The following EZH2 variants were observed in gnomAD, a reference collection of about 807,000 sequenced individuals.
The protein encoded by EZH2 is histone-lysine N-methyltransferase EZH2.
In EZH2, 18 loss-of-function variants were observed where a neutral mutation model predicts 98.4. That is an observed-to-expected ratio of 0.18 (90% CI 0.13 to 0.27). EZH2 has a LOEUF of 0.27. Ranked by LOEUF, EZH2 falls within the 10% of genes least tolerant of loss-of-function variation. The pLI, the probability that EZH2 is intolerant of heterozygous loss-of-function variation, is 1.00. For synonymous variants in EZH2, 338 were observed against 312.3 expected (o/e 1.08, Z -0.87); for missense variants, 470 against 935.1 (o/e 0.50, Z 6.49).
At chr7:148,843,697 G>A (rs917341883) in intron 3 of EZH2, among the ~76,000 whole-genome samples, 19 of 133,158 alleles carry the variant, frequency 1.4e-4, no homozygotes, top group South Asian at 1.0e-3. Flanking sequence ...CCAGGTTCAC[G>A]CCATTCTCCT....
intron 3 of EZH2, among the ~76,000 whole-genome samples, chr7:148,834,916 A>C (rs751957853): frequency 1.3e-5 from 2 of 152,240 alleles, no homozygotes; most frequent in Non-Finnish European, 2.9e-5. Flanking sequence ...TTTAGCATCA[A>C]AACTTCACAA....
intron 4 of EZH2, 21 bp from the exon 5 acceptor site, chr7:148,829,869 T>C: frequency 6.6e-7 from 1 of 1,522,236 alleles, no homozygotes; most frequent in Non-Finnish European, 8.9e-7. Context: ...AAAATATATT[T>C]AAAAAGCAGG....
chr7:148,877,737 A>G (rs1352258909), intron 1 of EZH2, among the ~76,000 whole-genome samples: 1 of 152,172 alleles, frequency 6.6e-6, no homozygotes, highest in African/African-American at 2.4e-5. Context: ...GAAATCCTCA[A>G]AGTTAACCTT....
chr7:148,873,247 T>C (rs1239494832), intron 1 of EZH2, among the ~76,000 whole-genome samples: 1 of 151,828 alleles, frequency 6.6e-6, no homozygotes, highest in Non-Finnish European at 1.5e-5. Flanking sequence ...ATCCTAGCAC[T>C]TTGCAAGGCC....
chr7:148,880,264 A>G (rs965495174), intron 1 of EZH2, among the ~76,000 whole-genome samples: 1 of 152,208 alleles, frequency 6.6e-6, no homozygotes, highest in South Asian at 2.1e-4. Context: ...TATTTAAATC[A>G]TTTTAAAAGA....
At chr7:148,844,338 T>C (rs778421274) in intron 3 of EZH2, among the ~76,000 whole-genome samples, 39 of 152,230 alleles carry the variant, frequency 2.6e-4, no homozygotes, top group Non-Finnish European at 5.1e-4. Context: ...TTACGATTTA[T>C]TGTGATAACA....
intron 3 of EZH2, among the ~76,000 whole-genome samples, chr7:148,839,092 G>GGAAGGAAAGAAA (rs1562997837): frequency 6.9e-6 from 1 of 144,574 alleles, no homozygotes; most frequent in African/African-American, 2.7e-5. Context: ...AAGGAAGGAA[G>GGAAGGAAAGAAA]GAAGGAAGGA....
intron 1 of EZH2, among the ~76,000 whole-genome samples, chr7:148,871,022 G>T (rs536205269): frequency 4.7e-4 from 71 of 151,994 alleles, no homozygotes; most frequent in Non-Finnish European, 9.1e-4. Context: ...ATGATGCATG[G>T]TATTGAGTTT....
Position 148,827,270 on chromosome 7 carries a change from A to G in EZH2, c.626-4T>C. Reference sequence around the variant, plus strand: ...CGAGGTGGGCGGCTTTCTTTATCTAAACAGGAGAATATGAAAGGAAAAAAA... The same window carrying G: ...CGAGGTGGGCGGCTTTCTTTATCTAGACAGGAGAATATGAAAGGAAAAAAA... On this transcript the variant is annotated splice_region_variant and splice_polypyrimidine_tract_variant and intron_variant, in intron 6 of 19. Coordinates refer to ENST00000320356, the MANE Select transcript of EZH2 (RefSeq NM_004456.5). The G allele has an allele frequency of 6.2e-7, 1 of 1,605,732 alleles. No individual in the cohort carries two copies. Among genetic ancestry groups the G allele is most frequent in the Non-Finnish European group, 8.5e-7 (1 of 1,175,622 alleles).
At chr7:148,809,039 T>C (rs765874448) in intron 19 of EZH2, 32 bp downstream of exon 19, 124 of 1,572,312 alleles carry the variant, frequency 7.9e-5, no homozygotes, top group Non-Finnish European at 9.9e-5. Flanking sequence ...AAAAAGCCCT[T>C]AGAGATCATG....
chr7:148,836,260 A>G (rs557701457), intron 3 of EZH2, among the ~76,000 whole-genome samples: 5 of 152,198 alleles, frequency 3.3e-5, no homozygotes, highest in Non-Finnish European at 7.4e-5. Context: ...GAGAGCACCT[A>G]TTTAGAAAAC....
chr7:148,871,220 C>T (rs1453663401), intron 1 of EZH2, among the ~76,000 whole-genome samples: 2 of 151,908 alleles, frequency 1.3e-5, no homozygotes, highest in African/African-American at 4.8e-5. Flanking sequence ...GCAGAGACAT[C>T]GAAACCTTTG....
chr7:148,877,856 T>C (rs1030566633), intron 1 of EZH2, among the ~76,000 whole-genome samples: 1 of 152,244 alleles, frequency 6.6e-6, no homozygotes, highest in African/African-American at 2.4e-5. Context: ...GGAGCTGACA[T>C]ATCTTTAATC....
intron 4 of EZH2, among the ~76,000 whole-genome samples, chr7:148,832,369 A>G (rs539379915): frequency 3.4e-3 from 512 of 152,326 alleles, no homozygotes; most frequent in Middle Eastern, 0.01. Flanking sequence ...ATGAGCCACA[A>G]TGCCCAGCCC....
chr7:148,833,621 A>T (rs1465736577), intron 3 of EZH2, among the ~76,000 whole-genome samples: 1 of 152,236 alleles, frequency 6.6e-6, no homozygotes, highest in Non-Finnish European at 1.5e-5. Flanking sequence ...ACAACAAAGT[A>T]AATTTAAGTC....
At chr7:148,874,298 G>A (rs1015608061) in intron 1 of EZH2, among the ~76,000 whole-genome samples, 1 of 152,170 alleles carries the variant, frequency 6.6e-6, no homozygotes, top group African/African-American at 2.4e-5. Context: ...TGATGTGGGA[G>A]GATTGTTTCA....
intron 19 of EZH2, 51 bp downstream of exon 19, chr7:148,809,020 A>G: frequency 1.4e-6 from 2 of 1,465,998 alleles, no homozygotes; most frequent in Non-Finnish European, 1.9e-6. Context: ...AGAGTTCACA[A>G]TCCAGTAGAA....
intron 1 of EZH2, among the ~76,000 whole-genome samples, chr7:148,873,650 A>G (rs1418492275): frequency 1.4e-5 from 2 of 145,950 alleles, no homozygotes; most frequent in Non-Finnish European, 3.0e-5. Flanking sequence ...AAAATTTTAC[A>G]GTAATCAATA....
chr7:148,809,584 C>A (rs1233832306), intron 17 of EZH2, among the ~76,000 whole-genome samples, 194 bp from the exon 18 acceptor site: 2 of 151,714 alleles, frequency 1.3e-5, no homozygotes, highest in Admixed American at 6.6e-5. Context: ...AAATTAATCA[C>A]CTATAATTCA....
Sources: allele counts gnomAD v4.1 joint callset (sites outside exome capture counted in the v4.1 genomes callset), GRCh38; gene constraint gnomAD v4.1.1; transcripts MANE v1.5; gene names NCBI Gene and HGNC (gene_info 2026-07-23, HGNC 2026-07-21).